Variants in FAR1 observed in about 807,000 individuals in gnomAD.
FAR1 encodes the protein fatty acyl-CoA reductase 1.
FAR1 carries 22 observed loss-of-function variants against 61.1 expected under a neutral mutation model. That is an observed-to-expected ratio of 0.36 (90% CI 0.26 to 0.51). The LOEUF (loss-of-function observed/expected upper bound fraction) is 0.51. Ranked by LOEUF, FAR1 falls within the 20% of genes least tolerant of loss-of-function variation. The pLI, the probability that FAR1 is intolerant of heterozygous loss-of-function variation, is 0.95. For missense variants in FAR1, 359 were observed against 626.9 expected (o/e 0.57, Z 4.56); for synonymous variants, 206 against 209.7 (o/e 0.98, Z 0.15).
intron 1 of FAR1, among the ~76,000 whole-genome samples, chr11:13,679,076 T>C (rs1848098197): frequency 6.6e-6 from 1 of 152,210 alleles, no homozygotes; most frequent in Non-Finnish European, 1.5e-5. Flanking sequence ...TTTATATAAA[T>C]CTTCAGGTAT....
chr11:13,686,351 G>A (rs1317057504), intron 1 of FAR1, among the ~76,000 whole-genome samples: 1 of 151,640 alleles, frequency 6.6e-6, no homozygotes, highest in Non-Finnish European at 1.5e-5. Context: ...TTTCCTTTCC[G>A]CATACCCCAC....
intron 1 of FAR1, among the ~76,000 whole-genome samples, chr11:13,691,642 C>CTT (rs1184488156): frequency 1.3e-5 from 2 of 152,172 alleles, no homozygotes; most frequent in Non-Finnish European, 2.9e-5. Context: ...CCTTTTGTGT[C>CTT]TGACTTCTTT....
At chr11:13,718,276 G>T (rs915753639) in intron 9 of FAR1, among the ~76,000 whole-genome samples, 1 of 152,162 alleles carries the variant, frequency 6.6e-6, no homozygotes, top group African/African-American at 2.4e-5. Context: ...ATTCCTGGCT[G>T]ACATTTTACA....
At chr11:13,711,294 T>A (rs1467811917) in intron 5 of FAR1, among the ~76,000 whole-genome samples, 2 of 152,156 alleles carry the variant, frequency 1.3e-5, no homozygotes, top group East Asian at 3.8e-4. Flanking sequence ...GTCAATTGAT[T>A]TAGGCAAAAC....
intron 1 of FAR1, among the ~76,000 whole-genome samples, chr11:13,674,308 CAAAAA>C (rs375685986): frequency 2.9e-5 from 2 of 69,392 alleles, no homozygotes; most frequent in Admixed American, 3.3e-4. Context: ...GACTCCGTCT[CAAAAA>C]AAAAAAAAAA....
intron 10 of FAR1, chr11:13,723,527 C>A: frequency 3.2e-6 from 1 of 315,656 alleles, no homozygotes; most frequent in Admixed American, 4.2e-5. Flanking sequence ...GGCAGTATCA[C>A]TATGATAGTG....
At chr11:13,723,288 C>T (rs1848631945) in intron 10 of FAR1, 1 of 345,452 alleles carries the variant, frequency 2.9e-6, no homozygotes. Context: ...TCAGTTGAGC[C>T]CGGGAGGTCA....
chr11:13,709,473 AGAACTT>A (rs1324453481), intron 4 of FAR1, among the ~76,000 whole-genome samples: 1 of 152,196 alleles, frequency 6.6e-6, no homozygotes. Context: ...AAACTGAAAA[AGAACTT>A]GTAAGCTAAT....
chr11:13,708,443 G>GCACACACACACACA (rs770468143), intron 4 of FAR1, among the ~76,000 whole-genome samples: 2 of 84,394 alleles, frequency 2.4e-5, no homozygotes, highest in Admixed American at 1.4e-4. Context: ...GTGCGCGCGC[G>GCACACACACACACA]CGCGCACACA....
chr11:13,705,644 A>G (rs1848424366), intron 3 of FAR1, among the ~76,000 whole-genome samples: 1 of 151,984 alleles, frequency 6.6e-6, no homozygotes, highest in Non-Finnish European at 1.5e-5. Context: ...TTGGATTTTC[A>G]CTTGAACAGA....
At chr11:13,688,740 C>G (rs1465080870) in intron 1 of FAR1, among the ~76,000 whole-genome samples, 57 of 152,072 alleles carry the variant, frequency 3.7e-4, no homozygotes, top group Admixed American at 3.5e-3. Context: ...ATGTAATTGT[C>G]ATTAATACCT....
Position 13,675,856 on chromosome 11 carries a change from G to A in FAR1, c.-8+7050G>A, listed in dbSNP as rs559153125. Among the ~76,000 whole-genome samples the A allele has an allele frequency of 7.2e-5, 11 of 152,192 alleles. No homozygotes were observed. In the South Asian group the frequency reaches 2.3e-3, roughly 32 times the overall value. Reference sequence around the variant, plus strand: ...TTGGCATAATTCATGAGAAATCCTTGAATTTAGGGAATTGTTACCATTATA... The same window carrying A: ...TTGGCATAATTCATGAGAAATCCTTAAATTTAGGGAATTGTTACCATTATA... On this transcript the variant is annotated intron_variant, in intron 1 of 11. Transcript: ENST00000354817.
chr11:13,693,666 TA>T (rs916056255), intron 1 of FAR1, among the ~76,000 whole-genome samples: 2 of 152,206 alleles, frequency 1.3e-5, no homozygotes, highest in African/African-American at 4.8e-5. Flanking sequence ...AGGAGATTGG[TA>T]AAAAGAGCTC....
rs916429513 is a variant in FAR1 at position 13,712,102 on chromosome 11, A to G, written c.887+56A>G. 3.8e-5 allele frequency: 46 copies of G among 1,206,764 alleles called. No individual in the cohort carries two copies. In the African/African-American group the frequency reaches 5.8e-4, roughly 15 times the overall value. The allele number at this position is 1,206,764 out of a possible 1,614,324, so 74.8% of individuals were successfully genotyped here. A position where few individuals can be genotyped will look rare whatever the true frequency, so the allele number is the denominator to read the frequency against. ...TATATAGTAACTGAAAAGGGAAGAC[A>G]TAGCTTTTGAGTAATGTTAATTAAT... On this transcript the variant is annotated intron_variant, in intron 7 of 11. Coordinates refer to ENST00000354817, the MANE Select transcript of FAR1 (RefSeq NM_032228.6).
intron 2 of FAR1, among the ~76,000 whole-genome samples, chr11:13,695,165 A>T (rs1476195019): frequency 6.6e-6 from 1 of 152,184 alleles, no homozygotes; most frequent in Non-Finnish European, 1.5e-5. Context: ...GACTGGCAAA[A>T]TTGTATAACA....
intron 4 of FAR1, 81 bp from the exon 5 acceptor site, chr11:13,710,604 TATGTTTGA>T: frequency 9.1e-7 from 1 of 1,094,598 alleles, no homozygotes; most frequent in Non-Finnish European, 1.3e-6. Flanking sequence ...GAACAGCAGA[TATGTTTGA>T]ATGTGCGAAG....
chr11:13,728,331 T>C lies in FAR1; in HGVS notation c.1386-281T>C, dbSNP rs542482692. 2.6e-5 allele frequency among the ~76,000 whole-genome samples: 4 copies of C among 152,010 alleles called. No homozygotes were observed. The South Asian group carries it at 8.3e-4, about 32-fold the overall frequency. ...TGTAACTGAAAGAGTAAGTTACTTG[T>C]CTGACAACTTGTAAGCAACTAAAGA... is the stretch of plus-strand genomic sequence containing the variant. On this transcript the variant is annotated intron_variant, in intron 11 of 11. Transcript: ENST00000354817.
chr11:13,705,613 C>T (rs932038767), intron 3 of FAR1, among the ~76,000 whole-genome samples: 3 of 151,836 alleles, frequency 2.0e-5, no homozygotes, highest in African/African-American at 7.3e-5. Flanking sequence ...ACAGTATCCT[C>T]TATGTGAAAT....
intron 6 of FAR1, 40 bp downstream of exon 6, chr11:13,711,848 T>A (rs745391756): frequency 6.4e-6 from 10 of 1,562,318 alleles, no homozygotes; most frequent in Admixed American, 1.7e-5. Context: ...TCTATACATT[T>A]TTCTGCTTTT....
Sources: allele counts gnomAD v4.1 joint callset (sites outside exome capture counted in the v4.1 genomes callset), GRCh38; gene constraint gnomAD v4.1.1; transcripts MANE v1.5; gene names NCBI Gene and HGNC (gene_info 2026-07-23, HGNC 2026-07-21).